The following SEMA3F variants were observed in gnomAD, a reference collection of about 807,000 sequenced individuals.
SEMA3F encodes semaphorin-3F.
Under a neutral mutation model 98.5 loss-of-function variants are expected in SEMA3F, and 30 were observed. That is an observed-to-expected ratio of 0.30 (90% confidence interval 0.23 to 0.41). The LOEUF (loss-of-function observed/expected upper bound fraction) is 0.41. Ranked by LOEUF, SEMA3F falls within the 10% of genes least tolerant of loss-of-function variation. The pLI, the probability that SEMA3F is intolerant of heterozygous loss-of-function variation, is 1.00. For missense variants in SEMA3F, 866 were observed against 1,119.3 expected (o/e 0.77, Z 3.23); for synonymous variants, 380 against 444.8 (o/e 0.85, Z 1.83).
At chr3:50,157,317 G>A (rs1375544682) in intron 1 of SEMA3F, among the ~76,000 whole-genome samples, 2 of 151,862 alleles carry the variant, frequency 1.3e-5, no homozygotes, top group Non-Finnish European at 2.9e-5. Context: ...TTGTTCAAGC[G>A]TCTCTCCTCC....
intron 6 of SEMA3F, 49 bp downstream of exon 6, chr3:50,175,237 G>C (rs200502353): frequency 3.7e-6 from 5 of 1,336,612 alleles, no homozygotes; most frequent in Non-Finnish European, 5.3e-6. Context: ...GCCTCTGAGC[G>C]GAACTCACCC....
intron 11 of SEMA3F, 70 bp downstream of exon 11, chr3:50,183,325 C>T (rs1699087789): frequency 6.2e-7 from 1 of 1,605,802 alleles, no homozygotes; most frequent in African/African-American, 1.3e-5. Flanking sequence ...CGTGGAGAAC[C>T]CCAGCCCGGT....
At chr3:50,167,929 G>A (rs1490603192) in intron 2 of SEMA3F, among the ~76,000 whole-genome samples, 3 of 152,174 alleles carry the variant, frequency 2.0e-5, no homozygotes, top group Non-Finnish European at 2.9e-5. Context: ...GGTGAAATAC[G>A]GTAACTGGGT....
At position 50,185,938 on chromosome 3, in the gene SEMA3F, A is replaced by C; in HGVS notation, c.1637A>C (p.His546Pro). ...GTGGGTGTCACACACCTGAGCCTGC[A>C]CCGCTGCCAGGCGTATGGGGCTGCC... ...SAVGVTHLSL[H>P]RCQAYGAACA... is the part of the protein sequence containing the mutation. Residue 546 changes from histidine to proline, a missense_variant, in exon 16 of 19, where the codon CAC (histidine) becomes CCC (proline). Physicochemically the swap from His to Pro is moderately conservative, Grantham distance 77 (BLOSUM62 -2). Coordinates refer to ENST00000002829, the MANE Select transcript of SEMA3F (RefSeq NM_004186.5). 6.2e-7 allele frequency: 1 copy of C among 1,613,948 alleles called. No homozygotes were observed. Among genetic ancestry groups the C allele is most frequent in the Non-Finnish European group, 8.5e-7 (1 of 1,179,952 alleles).
In SEMA3F at chr3:50,187,869, T is replaced by C; in HGVS notation, c.2112T>C (p.Ala704=). ...TACTGGGCCGGGACGCCGTCCATGC[T>C]GCCCTCTTCCCACCACTGTCCATGA... ...LHVLGRDAVH[A]ALFPPLSMSA... is the part of the protein sequence containing the mutation. Residue 704 remains alanine (A), a synonymous_variant, in exon 19 of 19, where the codon GCT becomes GCC. Coordinates refer to ENST00000002829, the MANE Select transcript of SEMA3F (RefSeq NM_004186.5). The C allele has an allele frequency of 6.2e-7, 1 of 1,613,040 alleles. No homozygotes were observed.
intron 13 of SEMA3F, 46 bp from the exon 14 acceptor site, chr3:50,185,397 C>A: frequency 2.0e-4 from 261 of 1,327,758 alleles, no homozygotes; most frequent in Non-Finnish European, 2.5e-4. Context: ...GGTACCCCTT[C>A]CCCAGCATCC....
In SEMA3F at chr3:50,182,084, C is replaced by T. The variant is rs1369685774; in HGVS notation, c.644-200C>T. On this transcript the variant is annotated intron_variant, in intron 7 of 18. Coordinates refer to ENST00000002829, the MANE Select transcript of SEMA3F (RefSeq NM_004186.5). This position sits in a 1 kb window ranked among gnomAD's most constrained non-coding sequence, Gnocchi z 4.5. Reference sequence around the variant, plus strand: ...TTCACACCACAGAAATGGGCTATTGCTACTAATCAGAGCTGATAGTTACTA... The same window carrying T: ...TTCACACCACAGAAATGGGCTATTGTTACTAATCAGAGCTGATAGTTACTA... 1.3e-5 allele frequency among the ~76,000 whole-genome samples: 2 copies of T among 152,212 alleles called. No individual in the cohort carries two copies. Among genetic ancestry groups the T allele is most frequent in the Non-Finnish European group, 2.9e-5 (2 of 68,032 alleles).
chr3:50,183,537 G>A lies in SEMA3F; in HGVS notation c.1206G>A (p.Gly402=). Residue 402 remains glycine, a synonymous_variant, in exon 12 of 19, where the codon GGG becomes GGA. Transcript: ENST00000002829. Reference sequence around the variant, plus strand: ...ACTACCAGTGGATGCCCTTCTCAGGGAAGATGCCCTACCCACGGCCGGGCA... The same window carrying A: ...ACTACCAGTGGATGCCCTTCTCAGGAAAGATGCCCTACCCACGGCCGGGCA... The part of the protein sequence containing the change: ...GPNYQWMPFS[G]KMPYPRPGTC... 1.2e-6 allele frequency: 2 copies of A among 1,614,052 alleles called. No individual in the cohort carries two copies. The highest frequency in any genetic ancestry group is 1.7e-6 in the Non-Finnish European group (2 of 1,180,030).
At chr3:50,173,673 A>T in intron 2 of SEMA3F, 120 bp from the exon 3 acceptor site, 2 of 754,850 alleles carry the variant, frequency 2.6e-6, no homozygotes, top group South Asian at 3.6e-5. Context: ...AAGAAAAAAG[A>T]CCACTCTGTG....
At chr3:50,169,883 C>T (rs1404272957) in intron 2 of SEMA3F, among the ~76,000 whole-genome samples, 2 of 152,196 alleles carry the variant, frequency 1.3e-5, no homozygotes, top group Non-Finnish European at 2.9e-5. Context: ...GGATCTGGCA[C>T]CTGCTGATGG....
intron 5 of SEMA3F, among the ~76,000 whole-genome samples, chr3:50,174,623 A>T (rs1477884185): frequency 6.6e-6 from 1 of 152,264 alleles, no homozygotes; most frequent in Non-Finnish European, 1.5e-5. Context: ...CACTTGCTCC[A>T]TATGTGGCAA....
rs764576527 is a variant in SEMA3F, at chr3:50,159,646, C to T, written c.24C>T (p.Leu8=). The change falls in exon 2 of 19, where the codon CTC becomes CTT. Residue 8 remains leucine, a synonymous_variant. Transcript: ENST00000002829. MLVAGLL[L]WASLLTGAWP... The stretch of plus-strand genomic sequence containing the variant: ...CAATGCTTGTCGCCGGTCTTCTTCT[C>T]TGGGCTTCCCTACTGACCGGGGCCT... The T allele has an allele frequency of 1.2e-6, 2 of 1,612,440 alleles. No individual in the cohort carries two copies. Among genetic ancestry groups the T allele is most frequent in the South Asian group, 2.2e-5 (2 of 90,926 alleles).
rs756077250 is a variant in SEMA3F, at chr3:50,173,812, C to T, written c.132C>T (p.Thr44=). 64 of 1,613,936 alleles carry T rather than the reference C, an allele frequency of 4.0e-5. No individual in the cohort carries two copies. The Admixed American group carries it at 6.3e-4, about 16-fold the overall frequency. The change falls in exon 3 of 19, where the codon ACC becomes ACT. Residue 44 remains threonine (T), a synonymous_variant. Coordinates refer to ENST00000002829, the MANE Select transcript of SEMA3F (RefSeq NM_004186.5). ...LSFKELKATG[T]AHFFNFLLNT... ...CCACAGAGCTGAAGGCCACAGGCAC[C>T]GCCCACTTCTTCAACTTCCTGCTCA... is the stretch of plus-strand genomic sequence containing the variant.
At position 50,176,845 on chromosome 3, in the gene SEMA3F, A is replaced by G. The variant is rs2109096148; in HGVS notation, c.627A>G (p.Thr209=). Reference sequence around the variant, plus strand: ...GTCCGTACGATCCCAAGCTGGACACAGCATCGGCCCTCATCAGTGAGTGCC... The same window carrying G: ...GTCCGTACGATCCCAAGCTGGACACGGCATCGGCCCTCATCAGTGAGTGCC... ...GKCPYDPKLD[T]ASALINEELY... is the part of the protein sequence containing the mutation. The change falls in exon 7 of 19, where the codon ACA becomes ACG. Residue 209 remains threonine (T), a synonymous_variant. Transcript: ENST00000002829. 1 of 1,613,612 alleles carries G rather than the reference A, an allele frequency of 6.2e-7. No homozygotes were observed. Among genetic ancestry groups the G allele is most frequent in the East Asian group, 2.2e-5 (1 of 44,888 alleles).
At position 50,166,460 on chromosome 3, in the gene SEMA3F, C is replaced by T. The variant is rs1378244782; in HGVS notation, c.112+6726C>T. Among the ~76,000 whole-genome samples the T allele has an allele frequency of 6.6e-6, 1 of 152,226 alleles. No homozygotes were observed. ...TTTTATCAGCGCCTTCCTGGCTGGGCCTGGGGCCTGTGCGGAGTGCTCACT... is the reference window on the plus strand; with the variant it reads ...TTTTATCAGCGCCTTCCTGGCTGGGTCTGGGGCCTGTGCGGAGTGCTCACT... On this transcript the variant is annotated intron_variant, in intron 2 of 18. Transcript: ENST00000002829. The surrounding 1 kb of genome is among the most constrained non-coding windows in gnomAD (Gnocchi z 4.7).
intron 16 of SEMA3F, 95 bp from the exon 17 acceptor site, chr3:50,186,186 G>T: frequency 6.8e-7 from 1 of 1,478,642 alleles, no homozygotes; most frequent in Non-Finnish European, 9.3e-7. Flanking sequence ...TCACTGCCCT[G>T]GGGAAAAAGG....
intron 13 of SEMA3F, 21 bp downstream of exon 13, chr3:50,184,835 C>G: frequency 3.8e-6 from 6 of 1,590,198 alleles, no homozygotes; most frequent in Non-Finnish European, 4.3e-6. Context: ...CTGCTCCCGG[C>G]CTCTCCCACG....
At chr3:50,167,487 G>A (rs1481927610) in intron 2 of SEMA3F, among the ~76,000 whole-genome samples, 1 of 152,226 alleles carries the variant, frequency 6.6e-6, no homozygotes, top group Non-Finnish European at 1.5e-5. Context: ...CCTGTCCTGG[G>A]CGGAGTAGGT....
intron 13 of SEMA3F, 100 bp downstream of exon 13, chr3:50,184,914 C>A: frequency 1.2e-6 from 1 of 811,640 alleles, no homozygotes; most frequent in Non-Finnish European, 2.0e-6. Flanking sequence ...TTGCTGCAAG[C>A]TCATCAGAGT....
Sources: allele counts gnomAD v4.1 joint callset (sites outside exome capture counted in the v4.1 genomes callset), GRCh38; gene constraint gnomAD v4.1.1; non-coding constraint Gnocchi (gnomAD v3.1); transcripts MANE v1.5; gene names NCBI Gene and HGNC (gene_info 2026-07-23, HGNC 2026-07-21).